The following TPO variants were observed in gnomAD, a reference collection of about 807,000 sequenced individuals.
The protein encoded by TPO is thyroid microsomal antigen.
TPO carries 78 observed loss-of-function variants against 96.9 expected under a neutral mutation model. The ratio of observed to expected loss-of-function variants is 0.81; its 90% CI spans 0.67 to 0.97. The LOEUF (loss-of-function observed/expected upper bound fraction) is 0.97. Among genes scored for constraint, TPO ranks in the 50% least tolerant of loss-of-function variants. The probability of loss-of-function intolerance (pLI) is 0.00; values close to 1 mark genes in which losing one functional copy is unlikely to be tolerated. For missense variants in TPO, 1,252 were observed against 1,274.8 expected, an observed-to-expected ratio of 0.98 and a Z score of 0.27; for synonymous variants, 547 against 538.0, an observed-to-expected ratio of 1.02 and a Z score of -0.23.
chr2:1,492,463 C>T (rs978368942), intron 10 of TPO, among the ~76,000 whole-genome samples: 108 of 152,086 alleles, frequency 7.1e-4, no homozygotes, highest in Non-Finnish European at 1.1e-3. Context: ...CCTCTAGAAG[C>T]GCAGATTTTG....
intron 1 of TPO, among the ~76,000 whole-genome samples, chr2:1,394,179 A>G (rs1662045372): frequency 6.6e-6 from 1 of 152,254 alleles, no homozygotes; most frequent in Non-Finnish European, 1.5e-5. Context: ...GAGTTGTCCC[A>G]GGCTTGAAGA....
chr2:1,428,425 A>G (rs1412621462), intron 3 of TPO, among the ~76,000 whole-genome samples: 1 of 152,216 alleles, frequency 6.6e-6, no homozygotes, highest in Non-Finnish European at 1.5e-5. Flanking sequence ...CCTCTGAGCT[A>G]CACGGCAGTT....
chr2:1,422,848 C>A (rs1218703389), intron 2 of TPO, among the ~76,000 whole-genome samples, 197 bp from the exon 3 acceptor site: 1 of 152,162 alleles, frequency 6.6e-6, no homozygotes, highest in African/African-American at 2.4e-5. Context: ...CAGCTCCGTG[C>A]AGTGGGGGTG....
At chr2:1,512,341 T>A (rs1234163148) in intron 14 of TPO, 3 of 965,888 alleles carry the variant, frequency 3.1e-6, no homozygotes, top group East Asian at 1.1e-4. Context: ...CAGTGCTACC[T>A]CTTTGCTAAG....
At chr2:1,405,411 C>T (rs908585810) in intron 1 of TPO, among the ~76,000 whole-genome samples, 1 of 151,780 alleles carries the variant, frequency 6.6e-6, no homozygotes, top group African/African-American at 2.4e-5. Flanking sequence ...TTATTACTCA[C>T]CCACCCATCC....
chr2:1,440,366 G>A (rs1666046063), intron 5 of TPO, among the ~76,000 whole-genome samples: 1 of 144,522 alleles, frequency 6.9e-6, no homozygotes, highest in Non-Finnish European at 1.5e-5. Flanking sequence ...ACAAGTGGAT[G>A]GCAGGGTTTC....
chr2:1,441,320 G>A (rs997338535), intron 5 of TPO, among the ~76,000 whole-genome samples: 5 of 152,218 alleles, frequency 3.3e-5, no homozygotes, highest in Non-Finnish European at 5.9e-5. Flanking sequence ...AAGAGAATGG[G>A]GCTTGAGTTT....
chr2:1,480,215 T>C (rs1670410033), intron 8 of TPO, among the ~76,000 whole-genome samples: 1 of 152,244 alleles, frequency 6.6e-6, no homozygotes, highest in Admixed American at 6.5e-5. Context: ...CATTCTTTTC[T>C]TCTTGGTTTT....
At chr2:1,386,290 A>G (rs915814598) in intron 1 of TPO, among the ~76,000 whole-genome samples, 2 of 152,130 alleles carry the variant, frequency 1.3e-5, no homozygotes, top group Admixed American at 6.5e-5. Context: ...TGTCTCATTG[A>G]TCTGTCTAAT....
At chr2:1,400,621 C>CAAAA (rs34465338) in intron 1 of TPO, among the ~76,000 whole-genome samples, 2 of 126,798 alleles carry the variant, frequency 1.6e-5, no homozygotes, top group Non-Finnish European at 3.2e-5. Context: ...ACATGCGTCT[C>CAAAA]AAAAAAAAAA....
chr2:1,533,119 C>G (rs866689852), intron 15 of TPO, among the ~76,000 whole-genome samples: 199 of 139,266 alleles, frequency 1.4e-3, no homozygotes, highest in African/African-American at 5.5e-3. Context: ...GCAACCTCCC[C>G]AAATCCCCCA....
In TPO at chr2:1,496,893, C is replaced by T. The variant is rs867983; in HGVS notation, c.2386+128C>T. On this transcript the variant is annotated intron_variant, in intron 13 of 16. Coordinates refer to ENST00000329066, the MANE Select transcript of TPO (RefSeq NM_001206744.2). ...AAACTGTTATCTTCCCAGGAGCAATCTGGGGATAGAAAGCAAGGGCTCTCC... is the reference window on the plus strand; with the variant it reads ...AAACTGTTATCTTCCCAGGAGCAATTTGGGGATAGAAAGCAAGGGCTCTCC... 0.46 allele frequency: 646,319 copies of T among 1,411,600 alleles called. 150,002 individuals carry two copies. The highest frequency in any genetic ancestry group is 0.59 in the South Asian group (48,728 of 82,724). 87.4% of individuals were successfully genotyped at this position (1,411,600 alleles called of 1,614,324 possible). A position where few individuals can be genotyped will look rare whatever the true frequency, so the allele number is the denominator to read the frequency against.
chr2:1,520,617 T>C (rs917906948), intron 15 of TPO, among the ~76,000 whole-genome samples: 11 of 152,264 alleles, frequency 7.2e-5, no homozygotes, highest in Non-Finnish European at 1.5e-4. Context: ...AAATCTACGA[T>C]TCGGAGTTAA....
chr2:1,384,055 C>G (rs1661850804), intron 1 of TPO, among the ~76,000 whole-genome samples: 1 of 152,174 alleles, frequency 6.6e-6, no homozygotes, highest in Non-Finnish European at 1.5e-5. Context: ...TCTGAGGGCT[C>G]TGTTCTGTTC....
At chr2:1,433,223 A>C (rs1251803179) in intron 3 of TPO, among the ~76,000 whole-genome samples, 1 of 152,170 alleles carries the variant, frequency 6.6e-6, no homozygotes, top group Non-Finnish European at 1.5e-5. Flanking sequence ...ATCATTCAAT[A>C]CTGATGCATC....
At chr2:1,511,988 T>A (rs954062091) in intron 14 of TPO, among the ~76,000 whole-genome samples, 1 of 152,240 alleles carries the variant, frequency 6.6e-6, no homozygotes, top group African/African-American at 2.4e-5. Flanking sequence ...CGTCTTGTTT[T>A]AGTTTTTGTC....
chr2:1,511,267 G>T (rs1335315491), intron 14 of TPO, among the ~76,000 whole-genome samples: 1 of 141,602 alleles, frequency 7.1e-6, no homozygotes, highest in Non-Finnish European at 1.6e-5. Flanking sequence ...CAGCCCTGCA[G>T]ACTGGGGGTG....
chr2:1,537,064 G>GCCACTGTGTGCAACTTCAATCCCCC (rs145058124), intron 15 of TPO, among the ~76,000 whole-genome samples: 1 of 16,568 alleles, frequency 6.0e-5, no homozygotes, highest in African/African-American at 6.5e-4. Context: ...CCAAATCCCT[G>GCCACTGTGTGCAACTTCAATCCCCC]CCACTGTGTG....
At chr2:1,483,018 T>C (rs74332671) in intron 8 of TPO, among the ~76,000 whole-genome samples, 2,364 of 152,230 alleles carry the variant, frequency 0.016, 62 homozygotes, top group African/African-American at 0.054. Context: ...GTCAGAACAA[T>C]GGGTGCTTCT....
Sources: allele counts gnomAD v4.1 joint callset (sites outside exome capture counted in the v4.1 genomes callset), GRCh38; gene constraint gnomAD v4.1.1; transcripts MANE v1.5; gene names NCBI Gene and HGNC (gene_info 2026-07-23, HGNC 2026-07-21).